ABLIM1: variants seen among roughly 807,000 people sequenced by gnomAD.
ABLIM1 encodes the protein actin-binding LIM protein 1.
ABLIM1 carries 40 observed loss-of-function variants against 107.0 expected under a neutral mutation model. That is an observed-to-expected ratio of 0.37 (90% CI 0.29 to 0.49). The LOEUF (loss-of-function observed/expected upper bound fraction) is 0.49, where lower values mean the gene tolerates loss of function less well. Ranked by LOEUF, ABLIM1 falls within the 20% of genes least tolerant of loss-of-function variation. The pLI, the probability that ABLIM1 is intolerant of heterozygous loss-of-function variation, is 0.97. For missense variants in ABLIM1, 857 were observed against 1,008.5 expected (o/e 0.85, Z 2.04); for synonymous variants, 357 against 357.3 (o/e 1.00, Z 0.01).
intron 14 of ABLIM1, among the ~76,000 whole-genome samples, chr10:114,450,565 G>C (rs1279670655): frequency 6.7e-6 from 1 of 150,310 alleles, no homozygotes; most frequent in Non-Finnish European, 1.5e-5. Context: ...CCTCCCATGT[G>C]GCTGAGATTA....
chr10:114,642,752 G>C (rs2483520), intron 1 of ABLIM1, among the ~76,000 whole-genome samples: 2,909 of 152,190 alleles, frequency 0.019, 85 homozygotes, highest in African/African-American at 0.066. Context: ...CTAGACTAAG[G>C]CTTCGAACTC....
chr10:114,633,914 T>G (rs976097721), intron 1 of ABLIM1, among the ~76,000 whole-genome samples: 4 of 151,968 alleles, frequency 2.6e-5, no homozygotes, highest in African/African-American at 9.7e-5. Flanking sequence ...TACATGGGCA[T>G]CTCACTTAAG....
chr10:114,442,679 A>G (rs1019320733), intron 17 of ABLIM1, among the ~76,000 whole-genome samples: 5 of 151,986 alleles, frequency 3.3e-5, no homozygotes, highest in East Asian at 1.9e-4. Flanking sequence ...TTATTGGCGT[A>G]TCACGCTGGG....
intron 2 of ABLIM1, among the ~76,000 whole-genome samples, chr10:114,588,796 C>A (rs72829115): frequency 3.9e-5 from 6 of 151,930 alleles, no homozygotes; most frequent in Non-Finnish European, 8.8e-5. Flanking sequence ...TGAGTCACCG[C>A]GTCTGGCCTG....
chr10:114,646,646 A>G (rs2079023277), intron 1 of ABLIM1, among the ~76,000 whole-genome samples: 1 of 152,242 alleles, frequency 6.6e-6, no homozygotes, highest in Non-Finnish European at 1.5e-5. Context: ...AGCAAGAGAG[A>G]TAAGGTGAGC....
chr10:114,615,394 C>T (rs2077068986), intron 1 of ABLIM1, among the ~76,000 whole-genome samples: 2 of 152,172 alleles, frequency 1.3e-5, no homozygotes, highest in African/African-American at 2.4e-5. Flanking sequence ...CTGGTCACAC[C>T]CTCAAGCTTC....
chr10:114,732,919 T>G (rs1367335698), intron 1 of ABLIM1, among the ~76,000 whole-genome samples: 1 of 152,218 alleles, frequency 6.6e-6, no homozygotes, highest in East Asian at 1.9e-4. Flanking sequence ...ATGCTCCAAC[T>G]GAACTTCAGG....
intron 1 of ABLIM1, among the ~76,000 whole-genome samples, chr10:114,626,693 A>G (rs891871329): frequency 1.3e-5 from 2 of 152,056 alleles, no homozygotes; most frequent in South Asian, 4.2e-4. Flanking sequence ...GGACTGCATC[A>G]CCCTCCAAAC....
At chr10:114,749,450 CCACACACACACACACACACA>C (rs151201319) in intron 1 of ABLIM1, among the ~76,000 whole-genome samples, 2 of 141,600 alleles carry the variant, frequency 1.4e-5, no homozygotes, top group South Asian at 4.7e-4. Context: ...AACACACACA[CCACACACACACACACACACA>C]CACACACACA....
Position 114,439,257 on chromosome 10 carries a change from C to A in ABLIM1, c.2068-7G>T, listed in dbSNP as rs1321995808. On this transcript the variant is annotated splice_polypyrimidine_tract_variant and splice_region_variant and intron_variant, in intron 20 of 22. Transcript: ENST00000533213. ...TGTGGCCATCTGGGAGTGTCTGCAA[C>A]AGAAATGCCAGTTCCAGGTGAGGCA... 1 of 1,614,194 alleles carries A rather than the reference C, an allele frequency of 6.2e-7. No homozygotes were observed. Among genetic ancestry groups the A allele is most frequent in the East Asian group, 2.2e-5 (1 of 44,884 alleles).
At position 114,464,765 on chromosome 10, in the gene ABLIM1, A is replaced by G. The variant is rs12256389; in HGVS notation, c.1441+933T>C. Among the ~76,000 whole-genome samples, 451 of 152,270 alleles carry G rather than the reference A, an allele frequency of 3.0e-3. 1 individual carries two copies. Among genetic ancestry groups the G allele is most frequent in the African/African-American group, 0.01 (430 of 41,554 alleles). On this transcript the variant is annotated intron_variant, in intron 12 of 22. Transcript: ENST00000533213. ...TCATCCTGTTAATTCTTTTGGTTTC[A>G]TTTCTTGTACAATTTATTTTTAAAA... is the stretch of plus-strand genomic sequence containing the variant.
At position 114,465,750 on chromosome 10, in the gene ABLIM1, G is replaced by A; in HGVS notation, c.1389C>T (p.Arg463=). 2 of 1,614,164 alleles carry A rather than the reference G, an allele frequency of 1.2e-6. No individual in the cohort carries two copies. Among genetic ancestry groups the A allele is most frequent in the South Asian group, 1.1e-5 (1 of 91,068 alleles). Residue 463 remains arginine, a synonymous_variant, in exon 12 of 23, where the codon CGC becomes CGT. Coordinates refer to ENST00000533213, the MANE Select transcript of ABLIM1 (RefSeq NM_002313.7). ...GGGACGTGGTTGGAGTGTAGCTGTG[G>A]CGGCTGTACACAGGGGAGTTGATGG... ...QGSINSPVYS[R]HSYTPTTSRS...
At chr10:114,762,187 C>A (rs559147547) in intron 1 of ABLIM1, among the ~76,000 whole-genome samples, 1 of 152,126 alleles carries the variant, frequency 6.6e-6, no homozygotes, top group Admixed American at 6.6e-5. Flanking sequence ...CGCCCGCCAC[C>A]ACGCCCAGCT....
the ABLIM1 span, among the ~76,000 whole-genome samples, chr10:114,787,585 G>T: frequency 2.3e-4 from 33 of 143,134 alleles, no homozygotes; most frequent in Non-Finnish European, 4.5e-4. Flanking sequence ...GAGGTGGGGG[G>T]TCAGCCCCCC....
chr10:114,767,814 C>A (rs1161946327), intron 1 of ABLIM1, among the ~76,000 whole-genome samples: 1 of 152,178 alleles, frequency 6.6e-6, no homozygotes, highest in African/African-American at 2.4e-5. Flanking sequence ...CCAGCCCAGA[C>A]GCGCGGCGGG....
chr10:114,735,363 AAAC>A (rs1335553567), intron 1 of ABLIM1, among the ~76,000 whole-genome samples: 3 of 152,348 alleles, frequency 2.0e-5, no homozygotes, highest in East Asian at 1.9e-4. Flanking sequence ...GAACACAGAA[AAAC>A]AACAATAAAA....
intron 4 of ABLIM1, among the ~76,000 whole-genome samples, chr10:114,569,866 C>T (rs895234305): frequency 1.2e-4 from 18 of 152,298 alleles, no homozygotes; most frequent in African/African-American, 3.6e-4. Flanking sequence ...TAAATTCACA[C>T]GCCAAGGATC....
At chr10:114,753,648 G>T (rs973831457) in intron 1 of ABLIM1, among the ~76,000 whole-genome samples, 1 of 152,026 alleles carries the variant, frequency 6.6e-6, no homozygotes. Flanking sequence ...ATAGTTAAAT[G>T]GATTCATTTT....
intron 1 of ABLIM1, among the ~76,000 whole-genome samples, chr10:114,665,298 A>G (rs371431659): frequency 6.6e-6 from 1 of 152,178 alleles, no homozygotes; most frequent in Non-Finnish European, 1.5e-5. Flanking sequence ...TGATTTTTTG[A>G]AAGAGCATGA....
Sources: gnomAD v4.1 joint callset for allele counts (sites outside exome capture counted in the v4.1 genomes callset) on GRCh38, gnomAD v4.1.1 for gene constraint, MANE v1.5 for transcripts, NCBI Gene and HGNC (gene_info 2026-07-23, HGNC 2026-07-21) for gene names.